BPI: variants seen among roughly 807,000 people sequenced by gnomAD.
BPI encodes the protein bactericidal permeability increasing protein.
BPI carries 48 observed loss-of-function variants against 57.6 expected under a neutral mutation model. That is an observed-to-expected ratio of 0.83 (90% CI 0.66 to 1.06). BPI has a LOEUF of 1.06. Among genes scored for constraint, BPI ranks in the 50% least tolerant of loss-of-function variants. BPI has a pLI of 0.00. For missense variants in BPI, 651 were observed against 609.7 expected, an observed-to-expected ratio of 1.07 and a Z score of -0.71; for synonymous variants, 237 against 238.2, an observed-to-expected ratio of 0.99 and a Z score of 0.05.
At position 38,329,213 on chromosome 20, in the gene BPI, G is replaced by A. The variant is rs537923437; in HGVS notation, c.1229+1558G>A. Among the ~76,000 whole-genome samples, 5 of 152,070 alleles carry A rather than the reference G, an allele frequency of 3.3e-5. No individual in the cohort carries two copies. In the South Asian group the frequency reaches 1.0e-3, roughly 32 times the overall value. On this transcript the variant is annotated intron_variant, in intron 11 of 14. Coordinates refer to ENST00000642449, the MANE Select transcript of BPI (RefSeq NM_001725.3). Reference sequence around the variant, plus strand: ...GAGACACTCAGAGAAACAGAGGGAGGGAGTCGGGGGGCAGAGAGAAAGAGA... The same window carrying A: ...GAGACACTCAGAGAAACAGAGGGAGAGAGTCGGGGGGCAGAGAGAAAGAGA...
At chr20:38,324,854 C>T (rs1371819039) in intron 9 of BPI, 21 bp downstream of exon 9, 1 of 1,590,744 alleles carries the variant, frequency 6.3e-7, no homozygotes, top group South Asian at 1.1e-5. Flanking sequence ...CCTTGCTTTC[C>T]TTTAGTGAGC....
intron 14 of BPI, 88 bp from the exon 15 acceptor site, chr20:38,337,058 A>C: frequency 7.1e-7 from 1 of 1,413,666 alleles, no homozygotes; most frequent in East Asian, 2.5e-5. Context: ...CAGGCTCCCA[A>C]AATGTCCTTC....
In BPI at chr20:38,334,426, C is replaced by T; in HGVS notation, c.1273-4C>T. The T allele has an allele frequency of 6.2e-7, 1 of 1,613,678 alleles. No homozygotes were observed. The highest frequency in any genetic ancestry group is 8.5e-7 in the Non-Finnish European group (1 of 1,179,544). ...CATCCTCCCATCCTCCCTCTGATTT[C>T]CAGGTTGAATTGCTGCAGGATATCA... On this transcript the variant is annotated splice_polypyrimidine_tract_variant and splice_region_variant and intron_variant, in intron 12 of 14. Coordinates refer to ENST00000642449, the MANE Select transcript of BPI (RefSeq NM_001725.3).
rs756370199 is a variant in BPI at position 38,309,018 on chromosome 20, A to T, written c.334A>T (p.Ile112Phe). 1 of 1,614,206 alleles carries T rather than the reference A, an allele frequency of 6.2e-7. No individual in the cohort carries two copies. Among genetic ancestry groups the T allele is most frequent in the Non-Finnish European group, 8.5e-7 (1 of 1,180,044 alleles). Residue 112 changes from isoleucine to phenylalanine, a missense_variant, in exon 3 of 15, where the codon ATC becomes TTC. Coordinates refer to ENST00000642449, the MANE Select transcript of BPI (RefSeq NM_001725.3). ...TAAGTTCTCCATCAGCAACGCCAAT[A>T]TCAAGATCAGCGGGAAATGGAAGGC... ...GLKFSISNAN[I>F]KISGKWKAQK...
At chr20:38,335,787 A>G (rs5743545) in intron 14 of BPI, 113 bp downstream of exon 14, 27,922 of 1,019,938 alleles carry the variant, frequency 0.027, 496 homozygotes, top group Non-Finnish European at 0.033. Flanking sequence ...TTCTACCCTT[A>G]CAACAACTCT....
At position 38,329,030 on chromosome 20, in the gene BPI, T is replaced by TAAATAAAC. The variant is rs1166514929; in HGVS notation, c.1229+1378_1229+1379insTAAACAAA. ...CTAAATAAATAAATAAATAAATAAA[T>TAAATAAAC]AAACAAATAGATTTTTAAAAGTAAA... On this transcript the variant is annotated intron_variant, in intron 11 of 14. Transcript: ENST00000642449. Among the ~76,000 whole-genome samples the TAAATAAAC allele has an allele frequency of 5.7e-3, 867 of 150,958 alleles. 12 individuals are homozygous for TAAATAAAC. The highest frequency in any genetic ancestry group is 0.02 in the African/African-American group (831 of 40,912).
intron 11 of BPI, among the ~76,000 whole-genome samples, chr20:38,329,722 A>AT (rs1171290476): frequency 2.7e-5 from 4 of 150,680 alleles, no homozygotes; most frequent in East Asian, 2.0e-4. Flanking sequence ...TATTTTATTT[A>AT]TTTTTTTTTA....
At chr20:38,307,798 C>T (rs776000656) in intron 2 of BPI, 117 bp downstream of exon 2, 2 of 871,128 alleles carry the variant, frequency 2.3e-6, no homozygotes, top group East Asian at 5.9e-5. Flanking sequence ...TATCCCAAAG[C>T]CTGCATTTAC....
chr20:38,324,884 C>T (rs1249475864), intron 9 of BPI, 51 bp downstream of exon 9: 1 of 1,462,572 alleles, frequency 6.8e-7, no homozygotes, highest in East Asian at 2.3e-5. Flanking sequence ...TCTGGGAGGA[C>T]AGGGCTTTGC....
intron 6 of BPI, chr20:38,319,869 G>C (rs2076672239): frequency 3.4e-6 from 1 of 291,784 alleles, no homozygotes. Context: ...AAAGTGCTCA[G>C]AGAAGTGCAA....
At chr20:38,306,445 A>G (rs959653202) in intron 1 of BPI, among the ~76,000 whole-genome samples, 9 of 152,348 alleles carry the variant, frequency 5.9e-5, no homozygotes, top group Admixed American at 3.3e-4. Context: ...TACATGTAAT[A>G]GGGGAGAGAC....
chr20:38,311,811 T>C, intron 4 of BPI, 63 bp from the exon 5 acceptor site: 1 of 1,546,896 alleles, frequency 6.5e-7, no homozygotes, highest in South Asian at 1.1e-5. Context: ...TGAGGCAGCC[T>C]CCTGAATCCA....
At chr20:38,308,873 C>T (rs2076608803) in intron 2 of BPI, 57 bp from the exon 3 acceptor site, 2 of 1,604,656 alleles carry the variant, frequency 1.2e-6, no homozygotes, top group South Asian at 1.1e-5. Context: ...ACGAAGTCCT[C>T]ATGTGTGCAC....
chr20:38,309,306 T>C (rs1225891746), intron 3 of BPI, among the ~76,000 whole-genome samples: 4 of 152,222 alleles, frequency 2.6e-5, no homozygotes, highest in Non-Finnish European at 5.9e-5. Flanking sequence ...AGGGTGGAAA[T>C]CTAAGTGGAA....
At chr20:38,324,744 C>T in intron 8 of BPI, 30 bp from the exon 9 acceptor site, 6 of 1,583,870 alleles carry the variant, frequency 3.8e-6, no homozygotes, top group Non-Finnish European at 4.3e-6. Flanking sequence ...ACAGCATCCT[C>T]CGAGATCCTT....
At chr20:38,334,631 T>C (rs2076758208) in intron 13 of BPI, 138 bp downstream of exon 13, 2 of 840,324 alleles carry the variant, frequency 2.4e-6, no homozygotes. Context: ...AAATGGCATC[T>C]GACCCAGAAA....
At chr20:38,318,005 G>A (rs1043950686) in intron 5 of BPI, 139 of 985,060 alleles carry the variant, frequency 1.4e-4, no homozygotes, top group Non-Finnish European at 1.7e-4. Context: ...CAGAAGCCCA[G>A]GTAAGGGAAG....
intron 8 of BPI, 59 bp from the exon 9 acceptor site, chr20:38,324,715 C>T (rs2122543775): frequency 7.2e-7 from 1 of 1,397,066 alleles, no homozygotes; most frequent in South Asian, 1.2e-5. Flanking sequence ...CAGAACTCAC[C>T]CCCTCTGCTC....
Position 38,318,467 on chromosome 20 carries a change from ACT to A in BPI, c.658_659del (p.Leu220AlafsTer25), listed in dbSNP as rs1179871689. ...VSSELQPYFQTLPVMTKIDSV... is the reference protein window; with the variant it reads ...VSSELQPYFQXLPVMTKIDSV... ...CTCCGAGCTGCAACCTTATTTCCAGACTCTGCCAGGTGAGGGCTGGATGAAGA... is the reference window on the plus strand; with the variant it reads ...CTCCGAGCTGCAACCTTATTTCCAGACTGCCAGGTGAGGGCTGGATGAAGA... On this transcript the variant is annotated frameshift_variant, in exon 6 of 15. Coordinates refer to ENST00000642449, the MANE Select transcript of BPI (RefSeq NM_001725.3). LOFTEE classifies it high-confidence loss of function. 6.2e-7 allele frequency: 1 copy of A among 1,613,430 alleles called. No individual in the cohort carries two copies. The highest frequency in any genetic ancestry group is 8.5e-7 in the Non-Finnish European group (1 of 1,179,442).
Sources: allele counts gnomAD v4.1 joint callset (sites outside exome capture counted in the v4.1 genomes callset), GRCh38; gene constraint gnomAD v4.1.1; transcripts MANE v1.5; gene names NCBI Gene and HGNC (gene_info 2026-07-23, HGNC 2026-07-21).